Variants in CCDC144A observed in about 807,000 individuals in gnomAD.
CCDC144A encodes coiled-coil domain-containing protein 144A.
In CCDC144A, 41 loss-of-function variants were observed where a neutral mutation model predicts 143.8. The observed-to-expected ratio is 0.29, with a 90% CI of 0.22 to 0.37. CCDC144A has a LOEUF of 0.37. CCDC144A is among the 10% of genes least tolerant of loss of function. The pLI is 1.00. For missense variants in CCDC144A, 637 were observed against 1,488.8 expected, an observed-to-expected ratio of 0.43 and a Z score of 9.41; for synonymous variants, 242 against 517.9, an observed-to-expected ratio of 0.47 and a Z score of 7.23.
intron 6 of CCDC144A, among the ~76,000 whole-genome samples, chr17:16,717,209 G>A (rs549202161): frequency 9.8e-4 from 148 of 151,254 alleles, no homozygotes; most frequent in African/African-American, 3.4e-3. Context: ...CCAGCTCCTG[G>A]GTTCAAGCGA....
chr17:16,773,367 A>C, intron 16 of CCDC144A, 130 bp from the exon 17 acceptor site: 1 of 1,256,124 alleles, frequency 8.0e-7, no homozygotes, highest in East Asian at 2.9e-5. Context: ...AGAATTGCTT[A>C]AGCCTGGGAG....
At chr17:16,690,112 C>CGCCAT (rs1180662044), upstream of CCDC144A, 1 of 235,678 alleles carries the variant, frequency 4.2e-6, no homozygotes, top group Non-Finnish European at 7.5e-6. Context: ...GGAGCTGCAG[C>CGCCAT]GCCACCTGCA....
At chr17:16,753,376 C>T (rs951740758) in intron 12 of CCDC144A, among the ~76,000 whole-genome samples, 2 of 147,684 alleles carry the variant, frequency 1.4e-5, no homozygotes, top group East Asian at 2.0e-4. Context: ...CATGAGCATG[C>T]AATATCTTCC....
At chr17:16,718,203 G>T (rs1912882699) in intron 6 of CCDC144A, among the ~76,000 whole-genome samples, 1 of 152,174 alleles carries the variant, frequency 6.6e-6, no homozygotes, top group African/African-American at 2.4e-5. Context: ...AATTGCTGTG[G>T]AATCCTGACT....
the CCDC144A span, among the ~76,000 whole-genome samples, chr17:16,674,543 AAGAG>A: frequency 6.6e-6 from 1 of 150,584 alleles, no homozygotes; most frequent in Admixed American, 6.6e-5. Flanking sequence ...TGTCGAAAGA[AAGAG>A]GAACGAAGGG....
intron 2 of CCDC144A, among the ~76,000 whole-genome samples, chr17:16,696,835 GCTGA>G (rs1403769683): frequency 6.6e-6 from 1 of 151,640 alleles, no homozygotes; most frequent in Admixed American, 6.6e-5. Context: ...TGTTTTCATG[GCTGA>G]CTAATTAGCA....
At chr17:16,717,484 C>T (rs1242432534) in intron 6 of CCDC144A, among the ~76,000 whole-genome samples, 1 of 152,108 alleles carries the variant, frequency 6.6e-6, no homozygotes, top group African/African-American at 2.4e-5. Context: ...CTTTCAAGTT[C>T]CTAGGAAACA....
intron 9 of CCDC144A, among the ~76,000 whole-genome samples, chr17:16,729,965 T>TATAC (rs1440662236): frequency 7.8e-5 from 6 of 76,572 alleles, no homozygotes; most frequent in Admixed American, 5.5e-4. Context: ...GGTAGTTTCA[T>TATAC]ATATATATAT....
At chr17:16,758,346 G>C (rs1263318514) in intron 12 of CCDC144A, among the ~76,000 whole-genome samples, 1 of 152,238 alleles carries the variant, frequency 6.6e-6, no homozygotes, top group Non-Finnish European at 1.5e-5. Context: ...GCAAGCTCAG[G>C]CTTGAAGTGC....
Position 16,775,603 on chromosome 17 carries a change from G to A in CCDC144A, c.*1970G>A, listed in dbSNP as rs1007735363. 1.1e-4 allele frequency: 16 copies of A among 152,156 alleles called. No homozygotes were observed. The highest frequency in any genetic ancestry group is 3.9e-4 in the African/African-American group (16 of 41,418). The allele number at this position is 152,156 out of a possible 1,614,324, so 9.4% of individuals were successfully genotyped here. A position where few individuals can be genotyped will look rare whatever the true frequency, so the allele number is the denominator to read the frequency against. ...AGTTCCTTGTAGATGCTGGATATTA[G>A]ACCTTTGTCAGATGGATAGAGTGCA... is the stretch of plus-strand genomic sequence containing the variant. On this transcript the variant is annotated 3_prime_UTR_variant, in exon 17 of 17. Coordinates refer to ENST00000399273, the MANE Select transcript of CCDC144A (RefSeq NM_001382000.1).
At chr17:16,680,879 C>T in the CCDC144A span, among the ~76,000 whole-genome samples, 2 of 151,738 alleles carry the variant, frequency 1.3e-5, no homozygotes, top group Admixed American at 1.3e-4. Flanking sequence ...GGTATGAAAA[C>T]CCCACAAAGA....
chr17:16,693,538 A>T lies in CCDC144A; in HGVS notation c.415+489A>T, dbSNP rs555173653. 2.3e-3 allele frequency among the ~76,000 whole-genome samples: 356 copies of T among 152,162 alleles called. 2 individuals are homozygous for T. Among genetic ancestry groups the T allele is most frequent in the Middle Eastern group, 0.01 (3 of 294 alleles). On this transcript the variant is annotated intron_variant, in intron 2 of 16. Coordinates refer to ENST00000399273, the MANE Select transcript of CCDC144A (RefSeq NM_001382000.1). The stretch of plus-strand genomic sequence containing the variant: ...CACCGTGTTAGCCAGGATGGTCTCG[A>T]TCTCCTGACCTCATGATCCATCCGC...
At chr17:16,770,189 A>G (rs961157413) in intron 15 of CCDC144A, among the ~76,000 whole-genome samples, 7 of 147,666 alleles carry the variant, frequency 4.7e-5, no homozygotes, top group African/African-American at 1.8e-4. Context: ...TGACTCTGTC[A>G]CCCAGGCTGG....
At chr17:16,685,189 G>T (rs951263490), upstream of CCDC144A, among the ~76,000 whole-genome samples, 1 of 152,050 alleles carries the variant, frequency 6.6e-6, no homozygotes, top group African/African-American at 2.4e-5. Flanking sequence ...ACCACACCTG[G>T]CTGGTTTTTG....
chr17:16,753,971 T>C (rs1914948635), intron 12 of CCDC144A, among the ~76,000 whole-genome samples: 1 of 152,230 alleles, frequency 6.6e-6, no homozygotes, highest in Non-Finnish European at 1.5e-5. Context: ...TTTAGACCTT[T>C]CTTTGTTGGT....
Position 16,709,092 on chromosome 17 carries a change from G to T in CCDC144A, c.1035G>T (p.Glu345Asp). 2 of 1,611,616 alleles carry T rather than the reference G, an allele frequency of 1.2e-6. No individual in the cohort carries two copies. The highest frequency in any genetic ancestry group is 1.7e-6 in the Non-Finnish European group (2 of 1,179,620). ...FNLTNNIPGC[E>D]EEDASEISVS... ...TGACAAATAACATACCTGGTTGTGA[G>T]GAAGAAGATGCATCTGAAATATCTG... Residue 345 changes from glutamate to aspartate, a missense_variant, in exon 5 of 17, where the codon GAG becomes GAT. Transcript: ENST00000399273.
chr17:16,747,072 T>C lies in CCDC144A; in HGVS notation c.3372+11429T>C, dbSNP rs577945141. 1.4e-4 allele frequency among the ~76,000 whole-genome samples: 22 copies of C among 152,144 alleles called. No homozygotes were observed. In the South Asian group the frequency reaches 2.7e-3, roughly 19 times the overall value. Reference sequence around the variant, plus strand: ...TTTTAAGAATGTAATTCAGCTTTCATTAATTTTTGTATGTGGTGATAGCTA... The same window carrying C: ...TTTTAAGAATGTAATTCAGCTTTCACTAATTTTTGTATGTGGTGATAGCTA... On this transcript the variant is annotated intron_variant, in intron 12 of 16. Coordinates refer to ENST00000399273, the MANE Select transcript of CCDC144A (RefSeq NM_001382000.1).
chr17:16,749,360 G>T (rs1416852555), intron 12 of CCDC144A, among the ~76,000 whole-genome samples: 1 of 152,086 alleles, frequency 6.6e-6, no homozygotes, highest in East Asian at 1.9e-4. Flanking sequence ...AGTCATTTAG[G>T]AGCCAGTTGT....
chr17:16,766,431 G>C (rs923290808), intron 15 of CCDC144A: 6 of 152,346 alleles, frequency 3.9e-5, no homozygotes, highest in African/African-American at 1.2e-4. Flanking sequence ...TTACAAGATA[G>C]TGCTGAGAGA....
Sources: gnomAD v4.1 joint callset for allele counts (sites outside exome capture counted in the v4.1 genomes callset) on GRCh38, gnomAD v4.1.1 for gene constraint, MANE v1.5 for transcripts, NCBI Gene and HGNC (gene_info 2026-07-23, HGNC 2026-07-21) for gene names.